Variants in LIMD1 observed in about 807,000 individuals in gnomAD.
LIMD1 encodes LIM domain containing 1, also known as LIM domain-containing protein 1.
Under a neutral mutation model 58.4 loss-of-function variants are expected in LIMD1, and 23 were observed. The observed-to-expected ratio is 0.39, with a 90% CI of 0.28 to 0.56. The LOEUF is 0.56. LIMD1 is among the 20% of genes least tolerant of loss of function. The probability of loss-of-function intolerance (pLI) is 0.57; values close to 1 mark genes in which losing one functional copy is unlikely to be tolerated. For missense variants in LIMD1, 838 were observed against 855.5 expected (o/e 0.98, Z 0.25); for synonymous variants, 334 against 345.5 (o/e 0.97, Z 0.37).
At chr3:45,608,926 C>G (rs1701495227) in intron 1 of LIMD1, among the ~76,000 whole-genome samples, 1 of 151,220 alleles carries the variant, frequency 6.6e-6, no homozygotes, top group African/African-American at 2.4e-5. Context: ...AACCGAAAGA[C>G]CTGGTCTGTA....
chr3:45,684,180 T>A lies in LIMD1; in HGVS notation c.*7121T>A, dbSNP rs1021548705. On this transcript the variant is annotated 3_prime_UTR_variant, in exon 8 of 8. Transcript: ENST00000273317. ...TGTGTGACACTTCTAGGAGAATCTC[T>A]GGCTATGTGGATACGTCCAGGTGTG... The A allele has an allele frequency of 1.3e-5, 2 of 152,230 alleles. No individual in the cohort carries two copies. Among genetic ancestry groups the A allele is most frequent in the Non-Finnish European group, 2.9e-5 (2 of 68,044 alleles). 9.4% of individuals were successfully genotyped at this position (152,230 alleles called of 1,614,324 possible).
chr3:45,673,477 C>T lies in LIMD1; in HGVS notation c.1796C>T (p.Ala599Val). 1.2e-6 allele frequency: 2 copies of T among 1,614,032 alleles called. No homozygotes were observed. Among genetic ancestry groups the T allele is most frequent in the Non-Finnish European group, 1.7e-6 (2 of 1,179,918 alleles). Reference sequence around the variant, plus strand: ...AGGGTGCTGGCCCCCAAGTGTGCAGCCTGTGGGCTTCCCATCCTTCCACCT... The same window carrying T: ...AGGGTGCTGGCCCCCAAGTGTGCAGTCTGTGGGCTTCCCATCCTTCCACCT... ...YHKVLAPKCA[A>V]CGLPILPPEG... The change falls in exon 6 of 8, where the codon GCC becomes GTC. Residue 599 changes from alanine to valine, a missense_variant. Ala to Val is a moderately conservative substitution (Grantham distance 64, BLOSUM62 0). Around this residue, in one of 3 missense-constraint regions of LIMD1, gnomAD observed 174 missense variants for 197.4 expected, o/e 0.88. Transcript: ENST00000273317.
intron 2 of LIMD1, among the ~76,000 whole-genome samples, chr3:45,649,706 A>G (rs1208218135): frequency 7.7e-6 from 1 of 129,288 alleles, no homozygotes; most frequent in Non-Finnish European, 1.7e-5. Flanking sequence ...ATATATATGT[A>G]TACATATATA....
rs113075081 is a variant in LIMD1, at chr3:45,665,547, C to T, written c.1511-103C>T. On this transcript the variant is annotated intron_variant, in intron 2 of 7. Coordinates refer to ENST00000273317, the MANE Select transcript of LIMD1 (RefSeq NM_014240.3). Reference sequence around the variant, plus strand: ...TGTCATTGACAGTTGGCGGTTTTTACGTGTTTATTTCTGCCTAAAGATTTT... The same window carrying T: ...TGTCATTGACAGTTGGCGGTTTTTATGTGTTTATTTCTGCCTAAAGATTTT... The T allele has an allele frequency of 2.0e-3, 1,738 of 873,016 alleles. 27 individuals carry two copies. In the African/African-American group the frequency reaches 0.023, roughly 11 times the overall value. The allele number at this position is 873,016 out of a possible 1,614,324, so 54.1% of individuals were successfully genotyped here.
intron 1 of LIMD1, among the ~76,000 whole-genome samples, chr3:45,609,021 AT>A (rs1442705644): frequency 6.6e-6 from 1 of 152,226 alleles, no homozygotes; most frequent in Non-Finnish European, 1.5e-5. Flanking sequence ...AAAGGGAAAT[AT>A]TTTGGTGACA....
At position 45,643,693 on chromosome 3, in the gene LIMD1, C is replaced by T. The variant is rs558563563; in HGVS notation, c.1510+7442C>T. Reference sequence around the variant, plus strand: ...GACTAGGTAAATATACTCTCCCCGCCAGAAGCCCATGGAGCAGGGGGGTGC... The same window carrying T: ...GACTAGGTAAATATACTCTCCCCGCTAGAAGCCCATGGAGCAGGGGGGTGC... On this transcript the variant is annotated intron_variant, in intron 2 of 7. Transcript: ENST00000273317. Among the ~76,000 whole-genome samples the T allele has an allele frequency of 3.3e-5, 5 of 152,326 alleles. No homozygotes were observed. The South Asian group carries it at 1.0e-3, about 32-fold the overall frequency.
chr3:45,664,482 T>G (rs374740104), intron 2 of LIMD1, among the ~76,000 whole-genome samples: 4 of 152,284 alleles, frequency 2.6e-5, no homozygotes, highest in East Asian at 1.9e-4. Flanking sequence ...CTCAGAGTAT[T>G]AAAAAGTCCT....
chr3:45,608,963 A>T lies in LIMD1; in HGVS notation c.1408+12676A>T, dbSNP rs193244555. Reference sequence around the variant, plus strand: ...AAGTTACTCATGAGATATTTGTTGAATGAATGAATCATGGTATGTATTTAT... The same window carrying T: ...AAGTTACTCATGAGATATTTGTTGATTGAATGAATCATGGTATGTATTTAT... On this transcript the variant is annotated intron_variant, in intron 1 of 7. Coordinates refer to ENST00000273317, the MANE Select transcript of LIMD1 (RefSeq NM_014240.3). Among the ~76,000 whole-genome samples the T allele has an allele frequency of 3.2e-4, 49 of 152,308 alleles. No homozygotes were observed. The East Asian group carries it at 6.9e-3, about 22-fold the overall frequency.
At chr3:45,616,000 CA>C (rs1701572147) in intron 1 of LIMD1, among the ~76,000 whole-genome samples, 1 of 152,136 alleles carries the variant, frequency 6.6e-6, no homozygotes, top group African/African-American at 2.4e-5. Context: ...AGCCAGCCTT[CA>C]GGGGCCTCTA....
chr3:45,659,221 C>T (rs1319552406), intron 2 of LIMD1, among the ~76,000 whole-genome samples: 1 of 151,990 alleles, frequency 6.6e-6, no homozygotes, highest in Non-Finnish European at 1.5e-5. Flanking sequence ...TTGTTTTTTT[C>T]CCTTTTGCAT....
chr3:45,648,971 T>C (rs114368327), intron 2 of LIMD1, among the ~76,000 whole-genome samples: 43 of 152,342 alleles, frequency 2.8e-4, no homozygotes, highest in African/African-American at 1.0e-3. Context: ...TTGGGAATAT[T>C]TTCTTTCATT....
chr3:45,627,655 A>G (rs1432885491), intron 1 of LIMD1, among the ~76,000 whole-genome samples: 1 of 143,238 alleles, frequency 7.0e-6, no homozygotes, highest in Non-Finnish European at 1.5e-5. Flanking sequence ...GAAAAAGCCC[A>G]TTCTAAAGAT....
chr3:45,683,342 A>G lies in LIMD1; in HGVS notation c.*6283A>G, dbSNP rs187887642. 1.3e-5 allele frequency: 2 copies of G among 152,120 alleles called. No homozygotes were observed. Among genetic ancestry groups the G allele is most frequent in the East Asian group, 3.9e-4 (2 of 5,162 alleles). 9.4% of individuals were successfully genotyped at this position (152,120 alleles called of 1,614,324 possible). A position where few individuals can be genotyped will look rare whatever the true frequency, so the allele number is the denominator to read the frequency against. The stretch of plus-strand genomic sequence containing the variant: ...GAACTAAGTCAAAAGGAAAACCCCA[A>G]CTTTCCACGCTCAAGTAACAAAAGG... On this transcript the variant is annotated 3_prime_UTR_variant, in exon 8 of 8. Coordinates refer to ENST00000273317, the MANE Select transcript of LIMD1 (RefSeq NM_014240.3).
chr3:45,682,761 ACTT>A lies in LIMD1; in HGVS notation c.*5707_*5709del, dbSNP rs1697760399. 6.6e-6 allele frequency: 1 copy of A among 152,242 alleles called. No individual in the cohort carries two copies. The highest frequency in any genetic ancestry group is 2.4e-5 in the African/African-American group (1 of 41,434). 9.4% of individuals were successfully genotyped at this position (152,242 alleles called of 1,614,324 possible). A position where few individuals can be genotyped will look rare whatever the true frequency, so the allele number is the denominator to read the frequency against. On this transcript the variant is annotated 3_prime_UTR_variant, in exon 8 of 8. Transcript: ENST00000273317. ...GAGGCAGTAAATTGTCCATCAGTAT[ACTT>A]CTTCATCAAAGCTACATAGTCAAAA...
intron 1 of LIMD1, among the ~76,000 whole-genome samples, chr3:45,597,973 A>T (rs528485219): frequency 4.7e-4 from 71 of 152,108 alleles, no homozygotes; most frequent in South Asian, 2.7e-3. Context: ...ATTTATTTTT[A>T]TTTATTTATT....
chr3:45,657,012 T>A (rs1201700535), intron 2 of LIMD1, among the ~76,000 whole-genome samples: 3 of 152,172 alleles, frequency 2.0e-5, no homozygotes, highest in Non-Finnish European at 4.4e-5. Flanking sequence ...GGATTCTGGA[T>A]CCTGCTCTTG....
chr3:45,675,198 C>T (rs1170006656), intron 7 of LIMD1, among the ~76,000 whole-genome samples: 1 of 152,240 alleles, frequency 6.6e-6, no homozygotes, highest in African/African-American at 2.4e-5. Flanking sequence ...ATTTGCTCAA[C>T]AGGCCTCTCC....
At chr3:45,628,013 A>AAAAAAAG (rs1553644002) in intron 1 of LIMD1, among the ~76,000 whole-genome samples, 2 of 147,520 alleles carry the variant, frequency 1.4e-5, no homozygotes, top group African/African-American at 4.9e-5. Context: ...ATCTCAAAAA[A>AAAAAAAG]AAAAAAGAAA....
intron 1 of LIMD1, among the ~76,000 whole-genome samples, chr3:45,631,513 G>A (rs1372061735): frequency 6.6e-6 from 1 of 152,088 alleles, no homozygotes; most frequent in Non-Finnish European, 1.5e-5. Context: ...TCAAACACAG[G>A]TGGCTTCCTT....
Sources: gnomAD v4.1 joint callset for allele counts (sites outside exome capture counted in the v4.1 genomes callset) on GRCh38, gnomAD v4.1.1 for gene constraint, gnomAD v4.1.1 regional missense constraint, MANE v1.5 for transcripts, NCBI Gene and HGNC (gene_info 2026-07-23, HGNC 2026-07-21) for gene names.